The following PSME4 variants were observed in gnomAD, a reference collection of about 807,000 sequenced individuals.
PSME4 encodes the protein proteasome activator subunit 4, also known as proteasome activator complex subunit 4.
Under a neutral mutation model 253.9 loss-of-function variants are expected in PSME4, and 89 were observed. The observed-to-expected ratio is 0.35, with a 90% confidence interval of 0.30 to 0.42. The LOEUF is 0.42. Among genes scored for constraint, PSME4 ranks in the 10% least tolerant of loss-of-function variants. The probability of loss-of-function intolerance (pLI) is 1.00; values close to 1 mark genes in which losing one functional copy is unlikely to be tolerated. For synonymous variants in PSME4, 851 were observed against 759.2 expected (o/e 1.12, Z -1.99); for missense variants, 2,014 against 2,195.2 (o/e 0.92, Z 1.65).
At chr2:53,922,423 T>A (rs147071178) in intron 17 of PSME4, 94 bp downstream of exon 17, 4 of 1,320,732 alleles carry the variant, frequency 3.0e-6, no homozygotes, top group Middle Eastern at 1.8e-4. Flanking sequence ...TGACTTTTCA[T>A]ATGTTTTAAA....
intron 28 of PSME4, among the ~76,000 whole-genome samples, chr2:53,900,902 C>T (rs1258653441): frequency 2.0e-5 from 3 of 152,180 alleles, no homozygotes; most frequent in Non-Finnish European, 2.9e-5. Context: ...TCTGCTATAA[C>T]TCTCAACCTA....
At chr2:53,963,465 T>C (rs552821127) in intron 1 of PSME4, among the ~76,000 whole-genome samples, 18 of 152,294 alleles carry the variant, frequency 1.2e-4, no homozygotes, top group East Asian at 3.9e-4. Context: ...TCAAAGAAGA[T>C]TGATGTCTGC....
intron 12 of PSME4, among the ~76,000 whole-genome samples, chr2:53,926,258 T>C (rs1337616056): frequency 6.6e-6 from 1 of 152,174 alleles, no homozygotes; most frequent in Admixed American, 6.5e-5. Context: ...AAGGGCCAAA[T>C]ACAGAAGTCA....
chr2:53,889,264 T>TC, intron 37 of PSME4, among the ~76,000 whole-genome samples: 1 of 152,332 alleles, frequency 6.6e-6, no homozygotes, highest in South Asian at 2.1e-4. Context: ...GATACCAAAA[T>TC]CCACAGATGT....
At chr2:53,908,915 T>A in intron 21 of PSME4, 75 bp from the exon 22 acceptor site, 3 of 1,161,390 alleles carry the variant, frequency 2.6e-6, no homozygotes, top group Non-Finnish European at 3.8e-6. Flanking sequence ...TATCAACAGG[T>A]TAGGTCAAGG....
intron 14 of PSME4, 119 bp downstream of exon 14, chr2:53,925,420 C>T: frequency 2.0e-6 from 2 of 993,212 alleles, no homozygotes; most frequent in Non-Finnish European, 2.7e-6. Context: ...TTCTTTAAAA[C>T]TTTAGTATGA....
At chr2:53,939,866 A>G (rs1669304823) in intron 4 of PSME4, 90 bp downstream of exon 4, 2 of 1,189,022 alleles carry the variant, frequency 1.7e-6, no homozygotes, top group South Asian at 2.9e-5. Flanking sequence ...GGAACTATTT[A>G]TACTTTTCAT....
At chr2:53,885,916 A>C in intron 40 of PSME4, 141 bp from the exon 41 acceptor site, 1 of 524,318 alleles carries the variant, frequency 1.9e-6, no homozygotes, top group Non-Finnish European at 3.4e-6. Context: ...ATGTTACTTC[A>C]TAAATTAGAC....
rs2104460044 is a variant in PSME4, at chr2:53,931,847, G to A, written c.1304C>T (p.Pro435Leu). 6.2e-7 allele frequency: 1 copy of A among 1,614,094 alleles called. No homozygotes were observed. The highest frequency in any genetic ancestry group is 1.1e-5 in the South Asian group (1 of 91,062). Reference protein sequence around the residue: ...ALMRPELVIPPVLERTYPALE... With the variant: ...ALMRPELVIPLVLERTYPALE... ...ACTAACCACTTACCTTTCAAGTACA[G>A]GGGGTATTACCAATTCAGGTCTCAT... Residue 435 changes from proline (P) to leucine (L), a missense_variant, in exon 10 of 47, where the codon CCT becomes CTT. Coordinates refer to ENST00000404125, the MANE Select transcript of PSME4 (RefSeq NM_014614.3).
intron 41 of PSME4, among the ~76,000 whole-genome samples, chr2:53,883,144 G>C (rs1274487094): frequency 6.6e-6 from 1 of 152,118 alleles, no homozygotes; most frequent in Non-Finnish European, 1.5e-5. Context: ...TTAAAAAGGA[G>C]AGAAATTAAA....
chr2:53,922,405 C>T, intron 17 of PSME4, 112 bp downstream of exon 17: 3 of 1,151,894 alleles, frequency 2.6e-6, no homozygotes, highest in Non-Finnish European at 3.8e-6. Context: ...ATCAAATTTC[C>T]AAAACTCTGA....
chr2:53,904,912 C>T (rs181289623), intron 26 of PSME4, among the ~76,000 whole-genome samples: 22 of 152,020 alleles, frequency 1.4e-4, no homozygotes, highest in African/African-American at 5.3e-4. Flanking sequence ...TGCTGGAACT[C>T]AGGCGGCGGA....
intron 36 of PSME4, among the ~76,000 whole-genome samples, chr2:53,892,048 G>A (rs1679934265): frequency 6.6e-6 from 1 of 152,232 alleles, no homozygotes; most frequent in African/African-American, 2.4e-5. Flanking sequence ...AGAACATATA[G>A]GGATAGGAAT....
chr2:53,883,642 T>C (rs1679498934), intron 41 of PSME4, among the ~76,000 whole-genome samples: 1 of 152,226 alleles, frequency 6.6e-6, no homozygotes, highest in Non-Finnish European at 1.5e-5. Context: ...GGTTCTAATT[T>C]AGTTCATATA....
chr2:53,923,037 C>A lies in PSME4; in HGVS notation c.1978+12G>T. 1 of 1,534,302 alleles carries A rather than the reference C, an allele frequency of 6.5e-7. No individual in the cohort carries two copies. The highest frequency in any genetic ancestry group is 8.8e-7 in the Non-Finnish European group (1 of 1,132,436). On this transcript the variant is annotated intron_variant, in intron 16 of 46. Coordinates refer to ENST00000404125, the MANE Select transcript of PSME4 (RefSeq NM_014614.3). ...AAAATTGTAAAGAGAGAATAATGACCTTATGACTTACTCATTGTAAGCTGA... is the reference window on the plus strand; with the variant it reads ...AAAATTGTAAAGAGAGAATAATGACATTATGACTTACTCATTGTAAGCTGA...
chr2:53,896,913 T>A, intron 31 of PSME4, 28 bp from the exon 32 acceptor site: 1 of 1,536,040 alleles, frequency 6.5e-7, no homozygotes, highest in Non-Finnish European at 9.0e-7. Context: ...TACACATTCA[T>A]AAAAAAAAGT....
At chr2:53,920,121 T>C (rs1211336901) in intron 19 of PSME4, 72 bp downstream of exon 19, 4 of 1,292,812 alleles carry the variant, frequency 3.1e-6, no homozygotes, top group African/African-American at 1.5e-5. Context: ...ACATGAGATA[T>C]GCCACAGATA....
intron 41 of PSME4, among the ~76,000 whole-genome samples, chr2:53,878,119 G>A (rs1469943956): frequency 6.6e-6 from 1 of 152,088 alleles, no homozygotes; most frequent in Non-Finnish European, 1.5e-5. Flanking sequence ...CCAAACGGAG[G>A]GACCGGCTGA....
At chr2:53,958,224 C>T (rs543684816) in intron 1 of PSME4, among the ~76,000 whole-genome samples, 1 of 150,084 alleles carries the variant, frequency 6.7e-6, no homozygotes, top group Non-Finnish European at 1.5e-5. Context: ...GGCATGGTGG[C>T]GTGCACCTGT....
Sources: gnomAD v4.1 joint callset for allele counts (sites outside exome capture counted in the v4.1 genomes callset) on GRCh38, gnomAD v4.1.1 for gene constraint, MANE v1.5 for transcripts, NCBI Gene and HGNC (gene_info 2026-07-23, HGNC 2026-07-21) for gene names.